Variants in PCDH15 observed in about 807,000 individuals in gnomAD.
The protein encoded by PCDH15 is protocadherin-15.
In PCDH15, 129 loss-of-function variants were observed where a neutral mutation model predicts 178.5. That is an observed-to-expected ratio of 0.72 (90% CI 0.63 to 0.84). PCDH15 has a LOEUF of 0.84. Among genes scored for constraint, PCDH15 ranks in the 40% least tolerant of loss-of-function variants. PCDH15 has a pLI of 0.00. For synonymous variants in PCDH15, 800 were observed against 732.0 expected, an observed-to-expected ratio of 1.09 and a Z score of -1.50; for missense variants, 2,230 against 2,099.9, an observed-to-expected ratio of 1.06 and a Z score of -1.21.
At chr10:53,923,708 C>A (rs2133901135) in intron 25 of PCDH15, among the ~76,000 whole-genome samples, 1 of 152,274 alleles carries the variant, frequency 6.6e-6, no homozygotes, top group African/African-American at 2.4e-5. Context: ...AACATACTTT[C>A]TTTAGTCATA....
At chr10:55,480,978 G>A (rs575082226) in intron 2 of PCDH15, among the ~76,000 whole-genome samples, 1 of 151,666 alleles carries the variant, frequency 6.6e-6, no homozygotes, top group African/African-American at 2.4e-5. Context: ...GGCTTTTTTA[G>A]GTTGATAGGC....
At chr10:54,763,717 T>C (rs1349349563) in intron 1 of PCDH15, among the ~76,000 whole-genome samples, 1 of 149,310 alleles carries the variant, frequency 6.7e-6, no homozygotes, top group Non-Finnish European at 1.5e-5. Flanking sequence ...AATATCACAT[T>C]TACTTTTTAT....
chr10:55,278,664 A>G (rs1842654256), intron 1 of PCDH15, among the ~76,000 whole-genome samples: 2 of 152,262 alleles, frequency 1.3e-5, no homozygotes. Context: ...AACCAGAATC[A>G]GTAAGAATTT....
intron 17 of PCDH15, among the ~76,000 whole-genome samples, chr10:54,078,677 G>A (rs953749777): frequency 5.9e-5 from 9 of 151,810 alleles, no homozygotes; most frequent in African/African-American, 1.7e-4. Context: ...CATAGAAAGC[G>A]GGATGCTGGC....
chr10:54,209,523 T>G (rs1023573521), intron 10 of PCDH15, among the ~76,000 whole-genome samples: 1 of 152,010 alleles, frequency 6.6e-6, no homozygotes, highest in Non-Finnish European at 1.5e-5. Context: ...CTAGCTTGAG[T>G]GGGTGACCAA....
intron 1 of PCDH15, among the ~76,000 whole-genome samples, chr10:54,718,494 G>A (rs7096495): frequency 1.3e-5 from 2 of 151,580 alleles, no homozygotes; most frequent in African/African-American, 4.8e-5. Context: ...AAAGCACCCA[G>A]AACCAAAGCC....
chr10:55,470,077 G>T (rs1056177728), intron 2 of PCDH15, among the ~76,000 whole-genome samples: 2 of 152,052 alleles, frequency 1.3e-5, no homozygotes, highest in Admixed American at 6.6e-5. Flanking sequence ...TTTGGTAGAT[G>T]CAGTGTCTCA....
intron 3 of PCDH15, among the ~76,000 whole-genome samples, chr10:54,438,480 C>T (rs1285606382): frequency 1.3e-5 from 2 of 151,874 alleles, no homozygotes; most frequent in South Asian, 2.1e-4. Context: ...CTGTGGCATG[C>T]ACTTGGCCTA....
At chr10:55,607,606 G>A (rs1843253058) in intron 2 of PCDH15, among the ~76,000 whole-genome samples, 1 of 148,338 alleles carries the variant, frequency 6.7e-6, no homozygotes, top group Non-Finnish European at 1.5e-5. Flanking sequence ...TAGGGACATG[G>A]ATGAAATTGG....
intron 2 of PCDH15, among the ~76,000 whole-genome samples, chr10:55,506,673 C>T (rs1052660517): frequency 5.3e-5 from 8 of 151,370 alleles, no homozygotes; most frequent in East Asian, 3.9e-4. Context: ...TTTTTATTCC[C>T]GGGAGAGTGT....
chr10:55,230,420 T>A (rs1470932105), intron 1 of PCDH15, among the ~76,000 whole-genome samples: 1 of 152,128 alleles, frequency 6.6e-6, no homozygotes, highest in Non-Finnish European at 1.5e-5. Flanking sequence ...TAAGCATATT[T>A]AAGTAATATT....
intron 15 of PCDH15, among the ~76,000 whole-genome samples, chr10:54,105,357 T>C (rs902060792): frequency 9.8e-5 from 11 of 111,744 alleles, no homozygotes; most frequent in African/African-American, 3.3e-4. Context: ...CACACACACA[T>C]ACACAAAACT....
chr10:54,725,608 A>C (rs1942383789), intron 1 of PCDH15, among the ~76,000 whole-genome samples: 1 of 142,182 alleles, frequency 7.0e-6, no homozygotes, highest in African/African-American at 2.5e-5. Context: ...GAATGTAATT[A>C]ATAAAACACT....
chr10:54,413,172 A>ATC (rs36062781), intron 3 of PCDH15, among the ~76,000 whole-genome samples: 70,909 of 151,124 alleles, frequency 0.47, 17,237 homozygotes, highest in Non-Finnish European at 0.53. Flanking sequence ...ACAATATAGC[A>ATC]TCTCTCTCTC....
chr10:55,059,029 G>A (rs903087473), intron 2 of PCDH15, among the ~76,000 whole-genome samples: 12 of 152,248 alleles, frequency 7.9e-5, no homozygotes, highest in East Asian at 5.8e-4. Flanking sequence ...ATCACGGTCC[G>A]TGAAATCACG....
At chr10:53,984,148 C>CTTTTTTTTTT (rs66540462) in intron 21 of PCDH15, among the ~76,000 whole-genome samples, 4 of 63,556 alleles carry the variant, frequency 6.3e-5, no homozygotes, top group East Asian at 4.2e-4. Context: ...TTTTTCTTTT[C>CTTTTTTTTTT]TTTTTTTTTT....
At chr10:54,147,315 A>G (rs1306172195) in intron 14 of PCDH15, among the ~76,000 whole-genome samples, 1 of 151,808 alleles carries the variant, frequency 6.6e-6, no homozygotes, top group Non-Finnish European at 1.5e-5. Context: ...AATGAAAATA[A>G]ATGTGAAGCT....
chr10:54,472,389 T>C (rs2077978787), intron 3 of PCDH15, among the ~76,000 whole-genome samples: 2 of 152,158 alleles, frequency 1.3e-5, no homozygotes, highest in Admixed American at 1.3e-4. Flanking sequence ...CTTTTAATAG[T>C]TGCAGTTTTA....
In PCDH15 at chr10:54,183,594, C is replaced by T; in HGVS notation, c.1441-1G>A. 1 of 1,613,698 alleles carries T rather than the reference C, an allele frequency of 6.2e-7. No homozygotes were observed. The highest frequency in any genetic ancestry group is 8.5e-7 in the Non-Finnish European group (1 of 1,179,932). Reference sequence around the variant, plus strand: ...CTTGTACACCATCAAATGCTGTTATCTTTGGGAGGAGAAAAATACACTTAG... The same window carrying T: ...CTTGTACACCATCAAATGCTGTTATTTTTGGGAGGAGAAAAATACACTTAG... On this transcript the variant is annotated splice_acceptor_variant, in intron 12 of 37. Coordinates refer to ENST00000644397, the MANE Select transcript of PCDH15 (RefSeq NM_001384140.1). LOFTEE classifies it high-confidence loss of function.
Sources: gnomAD v4.1 joint callset for allele counts (sites outside exome capture counted in the v4.1 genomes callset) on GRCh38, gnomAD v4.1.1 for gene constraint, MANE v1.5 for transcripts, NCBI Gene and HGNC (gene_info 2026-07-23, HGNC 2026-07-21) for gene names.